ZDHHC11B: variants seen among roughly 807,000 people sequenced by gnomAD.
ZDHHC11B encodes the protein probable palmitoyltransferase ZDHHC11B.
A neutral mutation model predicts 42.3 loss-of-function variants in ZDHHC11B; 17 were observed. That is an observed-to-expected ratio of 0.40 (90% CI 0.27 to 0.60). ZDHHC11B has a LOEUF of 0.60. Among genes scored for constraint, ZDHHC11B ranks in the 20% least tolerant of loss-of-function variants. The pLI, the probability that ZDHHC11B is intolerant of heterozygous loss-of-function variation, is 0.41. For missense variants in ZDHHC11B, 262 were observed against 463.2 expected (o/e 0.57, Z 3.99); for synonymous variants, 123 against 193.5 (o/e 0.64, Z 3.02).
intron 4 of ZDHHC11B, among the ~76,000 whole-genome samples, chr5:761,325 G>A (rs571281302): frequency 4.0e-4 from 61 of 151,856 alleles, no homozygotes; most frequent in South Asian, 3.8e-3. Context: ...CAGGACACCC[G>A]GGGCCAATGG....
chr5:732,568 C>A, intron 11 of ZDHHC11B: 1 of 430,454 alleles, frequency 2.3e-6, no homozygotes, highest in Non-Finnish European at 4.6e-6. Flanking sequence ...GTCTTGGACA[C>A]CAGCCTCACT....
chr5:748,264 C>A lies in ZDHHC11B; in HGVS notation c.784+140G>T, dbSNP rs573342111. Reference sequence around the variant, plus strand: ...TTCTGGGAGAGGCTGACCCTGAACACATGCGCACACGGGGGACAAAGACTC... The same window carrying A: ...TTCTGGGAGAGGCTGACCCTGAACAAATGCGCACACGGGGGACAAAGACTC... On this transcript the variant is annotated intron_variant, in intron 8 of 13. Coordinates refer to ENST00000508859, the MANE Select transcript of ZDHHC11B (RefSeq NM_001351303.2). 1.3e-3 allele frequency: 930 copies of A among 697,062 alleles called. 137 individuals are homozygous for A. The highest frequency in any genetic ancestry group is 2.0e-3 in the Non-Finnish European group (834 of 427,204). 43.2% of individuals were successfully genotyped at this position (697,062 alleles called of 1,614,324 possible). A position where few individuals can be genotyped will look rare whatever the true frequency, so the allele number is the denominator to read the frequency against.
chr5:733,662 A>T (rs1743241487), intron 11 of ZDHHC11B, 90 bp downstream of exon 11: 3 of 1,157,292 alleles, frequency 2.6e-6, no homozygotes, highest in Admixed American at 1.9e-5. Context: ...TATTCTGAAT[A>T]CTGCCTTAAC....
intron 9 of ZDHHC11B, among the ~76,000 whole-genome samples, chr5:744,026 T>C (rs1420480568): frequency 6.7e-6 from 1 of 149,854 alleles, no homozygotes; most frequent in Non-Finnish European, 1.5e-5. Context: ...TGAGATTTGT[T>C]AAAAATCATG....
chr5:727,185 G>T (rs1355991460), intron 12 of ZDHHC11B, among the ~76,000 whole-genome samples: 2 of 135,006 alleles, frequency 1.5e-5, no homozygotes, highest in East Asian at 2.3e-4. Context: ...GGAGAACCCG[G>T]CTGGCCTTCC....
At chr5:784,220 C>T (rs1156658222) in intron 1 of ZDHHC11B, among the ~76,000 whole-genome samples, 2 of 151,618 alleles carry the variant, frequency 1.3e-5, no homozygotes, top group Non-Finnish European at 3.0e-5. Context: ...GCAGTGGCTT[C>T]ATTCCAGCCC....
intron 12 of ZDHHC11B, among the ~76,000 whole-genome samples, chr5:727,625 G>A (rs1232038667): frequency 3.5e-5 from 5 of 142,196 alleles, no homozygotes; most frequent in Admixed American, 7.2e-5. Flanking sequence ...AGAAATAAAC[G>A]TGTAGAAACA....
At position 763,395 on chromosome 5, in the gene ZDHHC11B, A is replaced by T. The variant is rs1038087071; in HGVS notation, c.222+3303T>A. 4.6e-4 allele frequency among the ~76,000 whole-genome samples: 69 copies of T among 151,468 alleles called. 2 individuals are homozygous for T. The highest frequency in any genetic ancestry group is 8.0e-4 in the Non-Finnish European group (54 of 67,810). On this transcript the variant is annotated intron_variant, in intron 4 of 13. Transcript: ENST00000508859. ...CGGGAAAAAAAAAAAAAAGAAGAAG[A>T]AGAAGAAAAATACAACCTATGAAAA...
chr5:726,263 C>T (rs1426429373), intron 12 of ZDHHC11B, among the ~76,000 whole-genome samples: 5 of 151,710 alleles, frequency 3.3e-5, no homozygotes, highest in South Asian at 2.1e-4. Flanking sequence ...AGTCCCTGAT[C>T]GCTAGAAACA....
rs549961639 is a variant in ZDHHC11B, at chr5:752,611, T to C, written c.504-1354A>G. ...GGCCAGAGCATGAATGCCGCAGTCG[T>C]CCGAAGACGCAGTTAGGGCACAGCT... On this transcript the variant is annotated intron_variant, in intron 6 of 13. Transcript: ENST00000508859. Among the ~76,000 whole-genome samples, 382 of 94,490 alleles carry C rather than the reference T, an allele frequency of 4.0e-3. 4 individuals are homozygous for C. Among genetic ancestry groups the C allele is most frequent in the African/African-American group, 0.011 (358 of 33,652 alleles). The allele number at this position is 94,490 out of a possible 152,430, so 62.0% of individuals were successfully genotyped here.
intron 10 of ZDHHC11B, among the ~76,000 whole-genome samples, chr5:734,563 A>AC (rs1406908051): frequency 8.2e-5 from 4 of 48,904 alleles, no homozygotes; most frequent in Admixed American, 1.8e-4. Context: ...GCCGCCGAGG[A>AC]CCTCCACAGA....
At chr5:777,077 G>C (rs982261042) in intron 1 of ZDHHC11B, among the ~76,000 whole-genome samples, 1 of 151,922 alleles carries the variant, frequency 6.6e-6, no homozygotes, top group East Asian at 1.9e-4. Flanking sequence ...CAGGAATGAA[G>C]CTGCGGAGCC....
At chr5:758,516 T>C (rs1380927392) in intron 4 of ZDHHC11B, among the ~76,000 whole-genome samples, 2 of 151,736 alleles carry the variant, frequency 1.3e-5, no homozygotes, top group Non-Finnish European at 2.9e-5. Context: ...GACTTCCCTG[T>C]GGAGGAGCTC....
At chr5:783,921 C>G (rs408304) in intron 1 of ZDHHC11B, among the ~76,000 whole-genome samples, 79,624 of 143,014 alleles carry the variant, frequency 0.56, 22,753 homozygotes, top group Non-Finnish European at 0.71. Context: ...CGCCACTGCC[C>G]GGGAGGGACA....
chr5:729,463 G>A (rs1561123130), intron 12 of ZDHHC11B, among the ~76,000 whole-genome samples: 1 of 150,870 alleles, frequency 6.6e-6, no homozygotes, highest in Non-Finnish European at 1.5e-5. Flanking sequence ...GTGATGGGAG[G>A]AATATGGCAG....
intron 7 of ZDHHC11B, among the ~76,000 whole-genome samples, chr5:748,991 AC>A (rs1394303748): frequency 7.3e-4 from 30 of 41,318 alleles, no homozygotes; most frequent in African/African-American, 2.3e-3. Context: ...CACAGCACCC[AC>A]CCCTTCCTCA....
rs112877783 is a variant in ZDHHC11B, at chr5:773,837, C to A, written c.-229-4907G>T. On this transcript the variant is annotated intron_variant, in intron 1 of 13. Transcript: ENST00000508859. ...AGCCCACCCCACTCCCACACACCTG[C>A]AGCACCTCCCCAGGGAGTCAGGAGG... 5.4e-3 allele frequency among the ~76,000 whole-genome samples: 823 copies of A among 151,578 alleles called. 7 individuals are homozygous for A. Among genetic ancestry groups the A allele is most frequent in the African/African-American group, 0.019 (779 of 41,090 alleles).
intron 6 of ZDHHC11B, among the ~76,000 whole-genome samples, chr5:752,286 T>G (rs1745877399): frequency 1.2e-5 from 1 of 82,084 alleles, no homozygotes. Context: ...TCGGCTGCAG[T>G]CCCCCCTTCT....
At chr5:736,440 G>T (rs1209299966) in intron 10 of ZDHHC11B, among the ~76,000 whole-genome samples, 4 of 149,556 alleles carry the variant, frequency 2.7e-5, no homozygotes, top group African/African-American at 9.9e-5. Context: ...AAGAAACAAT[G>T]ACCTTAAACT....
Sources: allele counts gnomAD v4.1 joint callset (sites outside exome capture counted in the v4.1 genomes callset), GRCh38; gene constraint gnomAD v4.1.1; transcripts MANE v1.5; gene names NCBI Gene and HGNC (gene_info 2026-07-23, HGNC 2026-07-21).